The following HOMER1 variants were observed in gnomAD, a reference collection of about 807,000 sequenced individuals.
The protein encoded by HOMER1 is homer protein homolog 1.
In HOMER1, 3 loss-of-function variants were observed where a neutral mutation model predicts 48.9. The observed-to-expected ratio is 0.06, with a 90% CI of 0.03 to 0.16. The LOEUF is 0.16. Among genes scored for constraint, HOMER1 ranks in the 10% least tolerant of loss-of-function variants. The pLI is 1.00. For synonymous variants in HOMER1, 134 were observed against 146.4 expected, an observed-to-expected ratio of 0.92 and a Z score of 0.61; for missense variants, 247 against 411.4, an observed-to-expected ratio of 0.60 and a Z score of 3.46.
At chr5:79,381,847 T>A (rs760489296) in intron 8 of HOMER1, among the ~76,000 whole-genome samples, 14 of 151,016 alleles carry the variant, frequency 9.3e-5, no homozygotes, top group Non-Finnish European at 1.9e-4. Flanking sequence ...ATCATGCCAC[T>A]GCGCTCCAGC....
At chr5:79,401,726 A>G (rs1337969183) in intron 6 of HOMER1, among the ~76,000 whole-genome samples, 173 bp downstream of exon 6, 2 of 152,206 alleles carry the variant, frequency 1.3e-5, no homozygotes, top group East Asian at 3.8e-4. Flanking sequence ...CATTCTCATT[A>G]AACTATGGAA....
intron 5 of HOMER1, among the ~76,000 whole-genome samples, chr5:79,421,597 CCT>C (rs1448491098): frequency 2.0e-5 from 3 of 151,558 alleles, no homozygotes; most frequent in Non-Finnish European, 1.5e-5. Flanking sequence ...CACACTAAAC[CCT>C]GTTATTTTTC....
At chr5:79,436,843 T>C (rs140302140) in intron 5 of HOMER1, among the ~76,000 whole-genome samples, 77 of 152,354 alleles carry the variant, frequency 5.1e-4, no homozygotes, top group African/African-American at 1.9e-3. Flanking sequence ...TGATTAATAC[T>C]GATTAATGTA....
chr5:79,382,498 T>C (rs1375508004), intron 8 of HOMER1, among the ~76,000 whole-genome samples: 1 of 152,138 alleles, frequency 6.6e-6, no homozygotes, highest in African/African-American at 2.4e-5. Flanking sequence ...GGGTGATATA[T>C]TCATAGTGTT....
At chr5:79,425,182 C>T (rs183755521) in intron 5 of HOMER1, among the ~76,000 whole-genome samples, 63 of 151,768 alleles carry the variant, frequency 4.2e-4, no homozygotes, top group Non-Finnish European at 8.4e-4. Context: ...GGTGACTCCA[C>T]TAAGTTCCAA....
intron 1 of HOMER1, among the ~76,000 whole-genome samples, chr5:79,483,254 T>C (rs1158328364): frequency 6.6e-6 from 1 of 152,008 alleles, no homozygotes; most frequent in South Asian, 2.1e-4. Context: ...TTGGAAACAA[T>C]GCAAACCAGA....
At chr5:79,426,913 T>C (rs2112256356) in intron 5 of HOMER1, among the ~76,000 whole-genome samples, 1 of 152,242 alleles carries the variant, frequency 6.6e-6, no homozygotes, top group South Asian at 2.1e-4. Context: ...TGTACCCCAA[T>C]AAATATGTAC....
chr5:79,512,655 C>T (rs1421842290), intron 1 of HOMER1, 115 bp downstream of exon 1: 2 of 971,898 alleles, frequency 2.1e-6, no homozygotes, highest in African/African-American at 1.7e-5. Context: ...TAAAGTATGA[C>T]CAGCTTAGCA....
At chr5:79,504,910 G>A (rs1298445945) in intron 1 of HOMER1, among the ~76,000 whole-genome samples, 2 of 152,108 alleles carry the variant, frequency 1.3e-5, no homozygotes, top group Non-Finnish European at 2.9e-5. Flanking sequence ...TGAACTTGTG[G>A]GTTAGGAAGC....
chr5:79,478,958 A>G (rs1458702750), intron 1 of HOMER1, among the ~76,000 whole-genome samples: 1 of 151,722 alleles, frequency 6.6e-6, no homozygotes, highest in Non-Finnish European at 1.5e-5. Context: ...TCAAAAAAAG[A>G]AAAGCTGGAT....
At position 79,453,559 on chromosome 5, in the gene HOMER1, A is replaced by T. The variant is rs140681179; in HGVS notation, c.163-2438T>A. Among the ~76,000 whole-genome samples the T allele has an allele frequency of 1.5e-3, 221 of 152,320 alleles. 1 individual carries two copies. The highest frequency in any genetic ancestry group is 5.1e-3 in the African/African-American group (214 of 41,578). On this transcript the variant is annotated intron_variant, in intron 2 of 8. Transcript: ENST00000334082. Reference sequence around the variant, plus strand: ...TTCTTAGCTTCTTTGAGTAGAATGCATTTAAAAGAAAAATTTTAGTTCTGA... The same window carrying T: ...TTCTTAGCTTCTTTGAGTAGAATGCTTTTAAAAGAAAAATTTTAGTTCTGA...
At chr5:79,473,323 TC>T (rs1207185103) in intron 1 of HOMER1, among the ~76,000 whole-genome samples, 1 of 152,230 alleles carries the variant, frequency 6.6e-6, no homozygotes. Context: ...CATTTGTGAT[TC>T]TTTTTTTGTT....
chr5:79,449,122 T>C (rs1750962133), intron 3 of HOMER1, among the ~76,000 whole-genome samples: 2 of 152,162 alleles, frequency 1.3e-5, no homozygotes, highest in African/African-American at 2.4e-5. Context: ...ACAGACAAAA[T>C]TACTCAGCCC....
rs1030019500 is a variant in HOMER1 at position 79,500,958 on chromosome 5, A to T, written c.5+11812T>A. On this transcript the variant is annotated intron_variant, in intron 1 of 8. Coordinates refer to ENST00000334082, the MANE Select transcript of HOMER1 (RefSeq NM_004272.5). ...GTGTGTGTGTGTGTGTGTGTGAGACAGACAGACACACACACACACACACAC... is the reference window on the plus strand; with the variant it reads ...GTGTGTGTGTGTGTGTGTGTGAGACTGACAGACACACACACACACACACAC... 9.6e-4 allele frequency among the ~76,000 whole-genome samples: 58 copies of T among 60,212 alleles called. No individual in the cohort carries two copies. The East Asian group carries it at 0.034, about 35-fold the overall frequency. 39.5% of individuals were successfully genotyped at this position (60,212 alleles called of 152,430 possible).
intron 8 of HOMER1, among the ~76,000 whole-genome samples, chr5:79,387,133 C>A (rs75918309): frequency 7.1e-4 from 107 of 150,086 alleles, no homozygotes; most frequent in African/African-American, 2.6e-3. Context: ...ATCACCCAGA[C>A]GTACACGTTT....
intron 2 of HOMER1, among the ~76,000 whole-genome samples, chr5:79,454,786 T>C (rs1035973437): frequency 2.0e-5 from 3 of 152,138 alleles, no homozygotes; most frequent in African/African-American, 7.2e-5. Context: ...TTATTCCCCA[T>C]AAAACACTAG....
intron 8 of HOMER1, among the ~76,000 whole-genome samples, chr5:79,392,954 G>GGAGAGAGAGAGGGAGAGAGA (rs1554057030): frequency 7.1e-6 from 1 of 140,880 alleles, no homozygotes; most frequent in African/African-American, 2.7e-5. Context: ...GAAGGGAAAG[G>GGAGAGAGAGAGGGAGAGAGA]GAGAGAGAGA....
intron 1 of HOMER1, among the ~76,000 whole-genome samples, chr5:79,469,990 C>A (rs946181722): frequency 1.3e-5 from 2 of 152,290 alleles, no homozygotes; most frequent in African/African-American, 2.4e-5. Flanking sequence ...AACCCAAATA[C>A]ATTTTCTGAC....
In HOMER1 at chr5:79,373,322, G is replaced by C. The variant is rs1179685611; in HGVS notation, c.*2687C>G. ...CTTTTCTTTTTTTTTTTCAATTTTT[G>C]TTTTTGTACAAGATTCAATAGTTAT... On this transcript the variant is annotated 3_prime_UTR_variant, in exon 9 of 9. Transcript: ENST00000334082. The C allele has an allele frequency of 7.0e-6, 1 of 143,074 alleles. No individual in the cohort carries two copies. The highest frequency in any genetic ancestry group is 1.5e-5 in the Non-Finnish European group (1 of 65,108). The allele number at this position is 143,074 out of a possible 1,614,324, so 8.9% of individuals were successfully genotyped here. A position where few individuals can be genotyped will look rare whatever the true frequency, so the allele number is the denominator to read the frequency against.
Sources: gnomAD v4.1 joint callset for allele counts (sites outside exome capture counted in the v4.1 genomes callset) on GRCh38, gnomAD v4.1.1 for gene constraint, MANE v1.5 for transcripts, NCBI Gene and HGNC (gene_info 2026-07-23, HGNC 2026-07-21) for gene names.